The following MCU variants were observed in gnomAD, a reference collection of about 807,000 sequenced individuals.
The protein encoded by MCU is calcium uniporter protein, mitochondrial.
In MCU, 12 loss-of-function variants were observed where a neutral mutation model predicts 45.2. The ratio of observed to expected loss-of-function variants is 0.27; its 90% CI spans 0.17 to 0.43. MCU has a LOEUF of 0.43. Ranked by LOEUF, MCU falls within the 20% of genes least tolerant of loss-of-function variation. The probability of loss-of-function intolerance (pLI) is 1.00; values close to 1 mark genes in which losing one functional copy is unlikely to be tolerated. For missense variants in MCU, 324 were observed against 436.7 expected, an observed-to-expected ratio of 0.74 and a Z score of 2.30; for synonymous variants, 160 against 165.1, an observed-to-expected ratio of 0.97 and a Z score of 0.24.
intron 1 of MCU, chr10:72,756,695 C>T (rs1277679717): frequency 1.3e-5 from 2 of 152,054 alleles, no homozygotes; most frequent in Non-Finnish European, 2.9e-5. Context: ...AGCATATTAC[C>T]TTAAGTTAGT....
intron 1 of MCU, among the ~76,000 whole-genome samples, chr10:72,797,727 G>GT (rs1194130929): frequency 2.6e-5 from 4 of 151,824 alleles, no homozygotes; most frequent in Non-Finnish European, 5.9e-5. Flanking sequence ...TAGAGACAGG[G>GT]TTTCACTGTG....
intron 2 of MCU, among the ~76,000 whole-genome samples, chr10:72,839,681 C>T (rs1297940873): frequency 6.6e-6 from 1 of 151,624 alleles, no homozygotes; most frequent in Non-Finnish European, 1.5e-5. Context: ...TGGCCGGGCA[C>T]AGTGGCTCAC....
At chr10:72,855,675 T>C (rs373194200) in intron 2 of MCU, among the ~76,000 whole-genome samples, 6 of 152,036 alleles carry the variant, frequency 3.9e-5, no homozygotes, top group African/African-American at 1.4e-4. Context: ...ATGGCAAGAA[T>C]AGAGGAAAAG....
intron 2 of MCU, among the ~76,000 whole-genome samples, chr10:72,842,742 G>A (rs1217087223): frequency 6.6e-6 from 1 of 151,670 alleles, no homozygotes; most frequent in Admixed American, 6.6e-5. Flanking sequence ...TTCAGGTTTT[G>A]TAAACATTTA....
At chr10:72,721,357 A>T (rs761605865) in intron 1 of MCU, among the ~76,000 whole-genome samples, 23 of 152,122 alleles carry the variant, frequency 1.5e-4, no homozygotes, top group Middle Eastern at 3.2e-3. Flanking sequence ...TACTGGTATA[A>T]TTACTCCCAC....
intron 1 of MCU, among the ~76,000 whole-genome samples, chr10:72,767,765 T>C (rs2132731614): frequency 6.6e-6 from 1 of 152,294 alleles, no homozygotes; most frequent in South Asian, 2.1e-4. Context: ...GGGATGACTT[T>C]GGTCAAAAGG....
chr10:72,725,083 C>G (rs911180933), intron 1 of MCU, among the ~76,000 whole-genome samples: 1 of 105,944 alleles, frequency 9.4e-6, no homozygotes, highest in African/African-American at 2.8e-5. Flanking sequence ...CCCACCTCAG[C>G]CTCTTCAAGT....
chr10:72,867,753 G>T (rs1345085415), intron 4 of MCU, among the ~76,000 whole-genome samples: 1 of 151,726 alleles, frequency 6.6e-6, no homozygotes, highest in Non-Finnish European at 1.5e-5. Context: ...TACTTGGGAG[G>T]CTGAGGCAGG....
intron 1 of MCU, among the ~76,000 whole-genome samples, chr10:72,729,119 G>A (rs1843137576): frequency 6.6e-6 from 1 of 152,160 alleles, no homozygotes; most frequent in Admixed American, 6.5e-5. Context: ...AAACCCAAAT[G>A]TACGCTGATC....
chr10:72,699,687 G>A (rs1055056824), intron 1 of MCU, among the ~76,000 whole-genome samples: 2 of 151,344 alleles, frequency 1.3e-5, no homozygotes, highest in Non-Finnish European at 2.9e-5. Flanking sequence ...TGTCTCCTGG[G>A]TTCAAGTGAT....
intron 1 of MCU, among the ~76,000 whole-genome samples, chr10:72,778,038 G>A (rs1253146702): frequency 1.3e-5 from 2 of 152,132 alleles, no homozygotes; most frequent in Non-Finnish European, 2.9e-5. Context: ...ATATTGATGA[G>A]TATGTCTAGA....
intron 1 of MCU, among the ~76,000 whole-genome samples, chr10:72,742,022 CAAAAAAAAAA>C (rs59028044): frequency 1.4e-5 from 1 of 72,888 alleles, no homozygotes; most frequent in African/African-American, 5.6e-5. Flanking sequence ...GACTCCGTCT[CAAAAAAAAAA>C]AAAAAAAAAA....
chr10:72,753,900 AACAC>A (rs765412090), intron 1 of MCU, among the ~76,000 whole-genome samples: 9 of 151,782 alleles, frequency 5.9e-5, no homozygotes, highest in African/African-American at 9.7e-5. Context: ...AAAAAAACAA[AACAC>A]ACACACACAC....
At chr10:72,881,923 G>C (rs1462806307) in intron 6 of MCU, among the ~76,000 whole-genome samples, 5 of 152,202 alleles carry the variant, frequency 3.3e-5, no homozygotes, top group African/African-American at 4.8e-5. Flanking sequence ...CTGAGGAATG[G>C]ATAAATAAAA....
chr10:72,807,894 C>A (rs1005806115), intron 1 of MCU, among the ~76,000 whole-genome samples: 2 of 152,172 alleles, frequency 1.3e-5, no homozygotes, highest in Non-Finnish European at 2.9e-5. Context: ...TGATTTCTGT[C>A]CAGATTCTGT....
intron 1 of MCU, among the ~76,000 whole-genome samples, chr10:72,775,072 C>T (rs1843870184): frequency 6.6e-6 from 1 of 151,960 alleles, no homozygotes; most frequent in African/African-American, 2.4e-5. Flanking sequence ...GAACATTTCA[C>T]CCAAATGCTG....
At chr10:72,714,345 CTTTTTT>C (rs1160353409) in intron 1 of MCU, among the ~76,000 whole-genome samples, 12 of 54,750 alleles carry the variant, frequency 2.2e-4, no homozygotes, top group Admixed American at 8.8e-4. Flanking sequence ...CCGCCCTGGT[CTTTTTT>C]TTTTTTTTTT....
intron 1 of MCU, among the ~76,000 whole-genome samples, chr10:72,758,291 A>G (rs977902219): frequency 6.6e-6 from 1 of 152,190 alleles, no homozygotes; most frequent in Non-Finnish European, 1.5e-5. Context: ...CTCTCATCTC[A>G]GTCTCCCGAG....
chr10:72,740,679 G>A (rs180909872), intron 1 of MCU, among the ~76,000 whole-genome samples: 47 of 152,312 alleles, frequency 3.1e-4, no homozygotes, highest in Non-Finnish European at 4.9e-4. Context: ...CAGTGAGGTC[G>A]TAAGAGCTAA....
Sources: gnomAD v4.1 joint callset for allele counts (sites outside exome capture counted in the v4.1 genomes callset) on GRCh38, gnomAD v4.1.1 for gene constraint, MANE v1.5 for transcripts, NCBI Gene and HGNC (gene_info 2026-07-23, HGNC 2026-07-21) for gene names.